The following NBEAL1 variants were observed in gnomAD, a reference collection of about 807,000 sequenced individuals.
The protein encoded by NBEAL1 is neurobeachin-like protein 1.
A neutral mutation model predicts 351.3 loss-of-function variants in NBEAL1; 273 were observed. The ratio of observed to expected loss-of-function variants is 0.78; its 90% confidence interval spans 0.70 to 0.86. The LOEUF (loss-of-function observed/expected upper bound fraction) is 0.86, where lower values mean the gene tolerates loss of function less well. Among genes scored for constraint, NBEAL1 ranks in the 40% least tolerant of loss-of-function variants. The pLI, the probability that NBEAL1 is intolerant of heterozygous loss-of-function variation, is 0.00. For missense variants in NBEAL1, 2,961 were observed against 3,201.3 expected (o/e 0.92, Z 1.81); for synonymous variants, 1,050 against 1,086.4 (o/e 0.97, Z 0.66).
chr2:203,088,734 T>C (rs183570529), intron 10 of NBEAL1, among the ~76,000 whole-genome samples: 65 of 152,308 alleles, frequency 4.3e-4, no homozygotes, highest in Admixed American at 1.2e-3. Flanking sequence ...TGTTTCTATC[T>C]GCTTAAGATG....
intron 18 of NBEAL1, among the ~76,000 whole-genome samples, chr2:203,119,526 A>G (rs1007371389): frequency 2.1e-5 from 3 of 141,606 alleles, no homozygotes; most frequent in South Asian, 2.4e-4. Context: ...CCTGGGTTCA[A>G]GCGATTCTCC....
Position 203,198,847 on chromosome 2 carries a change from ACT to A in NBEAL1, c.7129-488_7129-487del, listed in dbSNP as rs544184224. Among the ~76,000 whole-genome samples the A allele has an allele frequency of 4.9e-4, 72 of 147,982 alleles. 1 individual carries two copies. The East Asian group carries it at 8.2e-3, about 17-fold the overall frequency. ...ACTCCAGCCTGGGTGACAGAGCAAGACTCTATCTCAAAAAAAAAAAAAAAAAT... is the reference window on the plus strand; with the variant it reads ...ACTCCAGCCTGGGTGACAGAGCAAGACTATCTCAAAAAAAAAAAAAAAAAT... On this transcript the variant is annotated intron_variant, in intron 48 of 55. Coordinates refer to ENST00000683969, the MANE Select transcript of NBEAL1 (RefSeq NM_001378026.1).
intron 16 of NBEAL1, 76 bp downstream of exon 16, chr2:203,112,174 TTA>T: frequency 7.0e-7 from 1 of 1,429,440 alleles, no homozygotes; most frequent in Non-Finnish European, 9.3e-7. Context: ...AGGTAGAAGG[TTA>T]TGTTTATTGT....
In NBEAL1 at chr2:203,138,580, CTG is replaced by C. The variant is rs371665152; in HGVS notation, c.4720-39_4720-38del. ...AATTGATCATCAGTAAATTGAAAAA[CTG>C]AATGTTTTTATTTCTCAATTTTTTT... is the stretch of plus-strand genomic sequence containing the variant. On this transcript the variant is annotated intron_variant, in intron 30 of 55. Transcript: ENST00000683969. 43 of 1,546,284 alleles carry C rather than the reference CTG, an allele frequency of 2.8e-5. No homozygotes were observed. In the African/African-American group the frequency reaches 5.3e-4, roughly 19 times the overall value.
intron 50 of NBEAL1, 57 bp downstream of exon 50, chr2:203,201,772 T>TAAGAAGTATAAGTATA (rs1455502039): frequency 7.0e-7 from 1 of 1,424,816 alleles, no homozygotes. Context: ...TTCTTAAGTA[T>TAAGAAGTATAAGTATA]AAAAGTAGTA....
intron 55 of NBEAL1, among the ~76,000 whole-genome samples, chr2:203,215,373 C>T (rs1440544952): frequency 2.0e-5 from 3 of 152,110 alleles, no homozygotes; most frequent in Admixed American, 6.5e-5. Context: ...CCTGGTGGCA[C>T]GTGCCTGTAG....
At chr2:203,149,337 C>T (rs1291191686) in intron 34 of NBEAL1, among the ~76,000 whole-genome samples, 189 bp downstream of exon 34, 1 of 151,974 alleles carries the variant, frequency 6.6e-6, no homozygotes, top group Non-Finnish European at 1.5e-5. Flanking sequence ...TGTTTTTTAT[C>T]ATACAGTTAT....
rs993448501 is a variant in NBEAL1 at position 203,047,717 on chromosome 2, A to C, written c.144-2097A>C. Reference sequence around the variant, plus strand: ...ACTCTATAATAGTGAGAGAAGTTGCAGTCACAATTTTCTATTTCTTTCTAT... The same window carrying C: ...ACTCTATAATAGTGAGAGAAGTTGCCGTCACAATTTTCTATTTCTTTCTAT... On this transcript the variant is annotated intron_variant, in intron 3 of 55. Coordinates refer to ENST00000683969, the MANE Select transcript of NBEAL1 (RefSeq NM_001378026.1). 2.0e-5 allele frequency among the ~76,000 whole-genome samples: 3 copies of C among 150,020 alleles called. No homozygotes were observed. The Admixed American group carries it at 2.0e-4, about 10-fold the overall frequency.
intron 54 of NBEAL1, among the ~76,000 whole-genome samples, chr2:203,212,034 G>A (rs1004053196): frequency 2.6e-5 from 4 of 151,932 alleles, no homozygotes; most frequent in African/African-American, 7.3e-5. Flanking sequence ...ATATAGGTGC[G>A]TGCCATCGTG....
intron 52 of NBEAL1, 61 bp downstream of exon 52, chr2:203,208,814 A>G: frequency 1.5e-6 from 2 of 1,292,284 alleles, no homozygotes; most frequent in Non-Finnish European, 2.2e-6. Context: ...ACCAACACTT[A>G]TAACTAAAAA....
At position 203,099,643 on chromosome 2, in the gene NBEAL1, A is replaced by G. The variant is rs1365286263; in HGVS notation, c.1200A>G (p.Gln400=). The part of the protein sequence containing the change: ...EMNEDQVFQG[Q]LDCLAISTIQ... ...CCCCTCAATAGGTGTTTCAGGGACAATTGGATTGTTTGGCCATATCAACCA... is the reference window on the plus strand; with the variant it reads ...CCCCTCAATAGGTGTTTCAGGGACAGTTGGATTGTTTGGCCATATCAACCA... The change falls in exon 12 of 56, where the codon CAA becomes CAG. Residue 400 remains glutamine, a synonymous_variant. Transcript: ENST00000683969. 1.3e-6 allele frequency: 2 copies of G among 1,548,930 alleles called. No individual in the cohort carries two copies. Among genetic ancestry groups the G allele is most frequent in the African/African-American group, 1.4e-5 (1 of 72,988 alleles).
chr2:203,065,707 G>T (rs997913981), intron 6 of NBEAL1, among the ~76,000 whole-genome samples: 1 of 151,944 alleles, frequency 6.6e-6, no homozygotes, highest in Non-Finnish European at 1.5e-5. Flanking sequence ...AGCCGAGATT[G>T]CGCCACTGCA....
intron 8 of NBEAL1, among the ~76,000 whole-genome samples, chr2:203,078,237 T>A (rs1426419732): frequency 6.6e-6 from 1 of 152,210 alleles, no homozygotes; most frequent in Non-Finnish European, 1.5e-5. Flanking sequence ...TTTTTGTAAG[T>A]GTATATGTTT....
At chr2:203,186,418 CA>C (rs1482940264) in intron 44 of NBEAL1, among the ~76,000 whole-genome samples, 2 of 152,160 alleles carry the variant, frequency 1.3e-5, no homozygotes, top group Non-Finnish European at 2.9e-5. Flanking sequence ...CACTCCCATT[CA>C]AAAGGAGGAG....
chr2:203,189,647 A>G (rs1029903373), intron 45 of NBEAL1, among the ~76,000 whole-genome samples: 2 of 152,022 alleles, frequency 1.3e-5, no homozygotes, highest in African/African-American at 4.8e-5. Context: ...TCAGCCTCCC[A>G]AAGTGCTGGG....
rs1343666571 is a variant in NBEAL1, at chr2:203,138,553, A to C, written c.4720-67A>C. 4 of 1,461,104 alleles carry C rather than the reference A, an allele frequency of 2.7e-6. No homozygotes were observed. In the East Asian group the frequency reaches 9.3e-5, roughly 34 times the overall value. 90.5% of individuals were successfully genotyped at this position (1,461,104 alleles called of 1,614,324 possible). A position where few individuals can be genotyped will look rare whatever the true frequency, so the allele number is the denominator to read the frequency against. Reference sequence around the variant, plus strand: ...TTTGTGGTTTGTATTAATGTTGGGGAAAATTGATCATCAGTAAATTGAAAA... The same window carrying C: ...TTTGTGGTTTGTATTAATGTTGGGGCAAATTGATCATCAGTAAATTGAAAA... On this transcript the variant is annotated intron_variant, in intron 30 of 55. Transcript: ENST00000683969.
intron 24 of NBEAL1, among the ~76,000 whole-genome samples, chr2:203,128,147 C>A (rs182399672): frequency 7.5e-4 from 113 of 151,364 alleles, no homozygotes; most frequent in Middle Eastern, 3.4e-3. Context: ...TGCAGTGGCA[C>A]GATCTCGACT....
Position 203,168,072 on chromosome 2 carries a change from G to A in NBEAL1, c.5997+712G>A, listed in dbSNP as rs1304765921. Among the ~76,000 whole-genome samples, 3 of 152,178 alleles carry A rather than the reference G, an allele frequency of 2.0e-5. No homozygotes were observed. The East Asian group carries it at 5.8e-4, about 29-fold the overall frequency. ...TTGACTTATTGATGGATTTGATTAA[G>A]ATGTTTAAAGACCATTCTTCTAGTT... On this transcript the variant is annotated intron_variant, in intron 38 of 55. Transcript: ENST00000683969.
At chr2:203,033,359 TG>T (rs1264999435) in intron 2 of NBEAL1, among the ~76,000 whole-genome samples, 1 of 152,168 alleles carries the variant, frequency 6.6e-6, no homozygotes, top group African/African-American at 2.4e-5. Context: ...TCAGTTGTTG[TG>T]GGAAATATAC....
Sources: allele counts gnomAD v4.1 joint callset (sites outside exome capture counted in the v4.1 genomes callset), GRCh38; gene constraint gnomAD v4.1.1; transcripts MANE v1.5; gene names NCBI Gene and HGNC (gene_info 2026-07-23, HGNC 2026-07-21).